Variants in STOML2 observed in about 807,000 individuals in gnomAD.
The protein encoded by STOML2 is stomatin-like protein 2, mitochondrial.
STOML2 carries 22 observed loss-of-function variants against 45.7 expected under a neutral mutation model. The ratio of observed to expected loss-of-function variants is 0.48; its 90% CI spans 0.34 to 0.69. STOML2 has a LOEUF of 0.69. Among genes scored for constraint, STOML2 ranks in the 30% least tolerant of loss-of-function variants. STOML2 has a pLI of 0.01. For missense variants in STOML2, 359 were observed against 466.9 expected (o/e 0.77, Z 2.13); for synonymous variants, 181 against 182.7 (o/e 0.99, Z 0.08).
chr9:35,101,994 C>G lies in STOML2; in HGVS notation c.284-32G>C. 1 of 1,614,038 alleles carries G rather than the reference C, an allele frequency of 6.2e-7. No individual in the cohort carries two copies. The highest frequency in any genetic ancestry group is 1.1e-5 in the South Asian group (1 of 91,074). On this transcript the variant is annotated intron_variant, in intron 3 of 9. Transcript: ENST00000356493. The surrounding 1 kb of genome is among the most constrained non-coding windows in gnomAD (Gnocchi z 4.3). ...AACCAGGAGAGAAAACGGGGAAAGT[C>G]AGGCCTCTAGGTCCCAACCAGTTCT...
In STOML2 at chr9:35,102,607, A is replaced by G. The variant is rs1284755167; in HGVS notation, c.183+79T>C. On this transcript the variant is annotated intron_variant, in intron 2 of 9. Coordinates refer to ENST00000356493, the MANE Select transcript of STOML2 (RefSeq NM_013442.3). This position sits in a 1 kb window ranked among gnomAD's most constrained non-coding sequence, Gnocchi z 4.8. ...GGAGCTAACAGTGCGGGCAGGCCCA[A>G]AGGAAGTCCTCCCGACATTGCATGT... 1 of 1,575,672 alleles carries G rather than the reference A, an allele frequency of 6.3e-7. No homozygotes were observed. Among genetic ancestry groups the G allele is most frequent in the East Asian group, 2.2e-5 (1 of 44,646 alleles).
Position 35,101,499 on chromosome 9 carries a change from C to T in STOML2, c.506G>A (p.Gly169Asp). The T allele has an allele frequency of 6.2e-7, 1 of 1,614,062 alleles. No individual in the cohort carries two copies. Among genetic ancestry groups the T allele is most frequent in the Non-Finnish European group, 8.5e-7 (1 of 1,180,006 alleles). The change falls in exon 6 of 10, where the codon GGT becomes GAT. Residue 169 changes from glycine to aspartate, a missense_variant. By Grantham distance (94) the Gly-to-Asp change is moderately conservative. Around this residue, in one of 2 missense-constraint regions of STOML2, gnomAD observed 285 missense variants for 422.0 expected, o/e 0.68. Coordinates refer to ENST00000356493, the MANE Select transcript of STOML2 (RefSeq NM_013442.3). This position sits in a 1 kb window ranked among gnomAD's most constrained non-coding sequence, Gnocchi z 4.3. ...GATCTCATAACGGAGGCAGCGGATACCCCAGCAGTCAGCAGCTTGGTTGAT... is the reference window on the plus strand; with the variant it reads ...GATCTCATAACGGAGGCAGCGGATATCCCAGCAGTCAGCAGCTTGGTTGAT... ...DAINQAADCW[G>D]IRCLRYEIKD...
chr9:35,103,071 G>A lies in STOML2; in HGVS notation c.24C>T (p.Gly8=), dbSNP rs754019116. Residue 8 remains glycine, a synonymous_variant, in exon 1 of 10, where the codon GGC becomes GGT. Transcript: ENST00000356493. ...TCACCCTCAGCAAAAGGGCCCCAGT[G>A]CCCCGCGCCGCGCGCGCCAGCATTT... MLARAAR[G]TGALLLRGSL... is the part of the protein sequence containing the mutation. The A allele has an allele frequency of 5.0e-6, 8 of 1,613,958 alleles. No homozygotes were observed. In the East Asian group the frequency reaches 1.6e-4, roughly 31 times the overall value.
At position 35,101,572 on chromosome 9, in the gene STOML2, G is replaced by C. The variant is rs1310104730; in HGVS notation, c.445-12C>G. 4.3e-6 allele frequency: 7 copies of C among 1,613,916 alleles called. No homozygotes were observed. Among genetic ancestry groups the C allele is most frequent in the East Asian group, 2.2e-5 (1 of 44,892 alleles). ...AGGGACTCCCGTTCCTGGAAAAAGA[G>C]GTGTAAGCCCCACAGCCTCAACCTA... On this transcript the variant is annotated splice_polypyrimidine_tract_variant and intron_variant, in intron 5 of 9. Transcript: ENST00000356493. This position sits in a 1 kb window ranked among gnomAD's most constrained non-coding sequence, Gnocchi z 4.3.
Position 35,102,240 on chromosome 9 carries a change from G to A in STOML2, c.184-46C>T, listed in dbSNP as rs781515715. 6.4e-7 allele frequency: 1 copy of A among 1,554,154 alleles called. No homozygotes were observed. The highest frequency in any genetic ancestry group is 8.9e-7 in the Non-Finnish European group (1 of 1,128,882). ...TCCTCAGAAGGCTGGGAACTATTGG[G>A]TTGGGACCTAAGCTAGTCCTGGAGT... On this transcript the variant is annotated intron_variant, in intron 2 of 9. Transcript: ENST00000356493. The surrounding 1 kb of genome is among the most constrained non-coding windows in gnomAD (Gnocchi z 4.8).
intron 9 of STOML2, 92 bp downstream of exon 9, chr9:35,100,506 C>T: frequency 1.3e-6 from 2 of 1,570,776 alleles, no homozygotes; most frequent in Admixed American, 1.7e-5. Context: ...CTCTGAAGAC[C>T]TTTATGGTAT....
chr9:35,101,023 G>C lies in STOML2; in HGVS notation c.725-12C>G, dbSNP rs371826983. On this transcript the variant is annotated splice_polypyrimidine_tract_variant and intron_variant, in intron 7 of 9. Coordinates refer to ENST00000356493, the MANE Select transcript of STOML2 (RefSeq NM_013442.3). This position sits in a 1 kb window ranked among gnomAD's most constrained non-coding sequence, Gnocchi z 4.3. ...TGCACTGGCCTCTCCTGCAAGAGAAGGGACAGAGCTTGCTTGACCCATGAA... is the reference window on the plus strand; with the variant it reads ...TGCACTGGCCTCTCCTGCAAGAGAACGGACAGAGCTTGCTTGACCCATGAA... 12 of 1,613,592 alleles carry C rather than the reference G, an allele frequency of 7.4e-6. No individual in the cohort carries two copies. Among genetic ancestry groups the C allele is most frequent in the Middle Eastern group, 3.3e-4 (2 of 6,056 alleles).
chr9:35,103,179 A>G, upstream of STOML2: 1 of 1,531,802 alleles, frequency 6.5e-7, no homozygotes, highest in Non-Finnish European at 8.9e-7. Flanking sequence ...TTCCTCTTGC[A>G]GTTCCGCTCC....
rs368708176 is a variant in STOML2, at chr9:35,100,139, G to T, written c.967C>A (p.Pro323Thr). The T allele has an allele frequency of 4.0e-5, 64 of 1,614,030 alleles. No homozygotes were observed. Among genetic ancestry groups the T allele is most frequent in the Non-Finnish European group, 5.1e-5 (60 of 1,180,048 alleles). ...AGTGAGTCTGGAGTCCCTGGCACTG[G>T]GGCTTTGGTGAGGGCTCCATATACA... The part of the protein sequence containing the change: ...MGVYGALTKA[P>T]VPGTPDSLSS... The change falls in exon 10 of 10, where the codon CCA becomes ACA. Residue 323 changes from proline (P) to threonine (T), a missense_variant. Pro to Thr is a conservative substitution (Grantham distance 38). This residue lies in a region of STOML2 where 285 missense variants were observed against 422.0 expected (regional missense o/e 0.68). Transcript: ENST00000356493.
chr9:35,100,642 G>A lies in STOML2; in HGVS notation c.889C>T (p.Leu297=), dbSNP rs1381478159. The A allele has an allele frequency of 6.2e-7, 1 of 1,614,180 alleles. No individual in the cohort carries two copies. The highest frequency in any genetic ancestry group is 1.1e-5 in the South Asian group (1 of 91,082). ...SKLAKDSNTI[L]LPSNPGDVTS... The stretch of plus-strand genomic sequence containing the variant: ...ACATCGCCAGGGTTGGAGGGCAGTA[G>A]GATAGTGTTGGAGTCCTTGGCCAGT... The change falls in exon 9 of 10, where the codon CTA becomes TTA. Residue 297 remains leucine, a synonymous_variant. Coordinates refer to ENST00000356493, the MANE Select transcript of STOML2 (RefSeq NM_013442.3).
rs1829787556 is a variant in STOML2, at chr9:35,100,182, G to C, written c.934-10C>G. On this transcript the variant is annotated splice_polypyrimidine_tract_variant and intron_variant, in intron 9 of 9. Coordinates refer to ENST00000356493, the MANE Select transcript of STOML2 (RefSeq NM_013442.3). ...CATATACACCCATGGCCTGAGGAGA[G>C]GAACAGAGAGAATACCATGAGGACA... 3.1e-6 allele frequency: 5 copies of C among 1,613,594 alleles called. No homozygotes were observed. The highest frequency in any genetic ancestry group is 4.2e-6 in the Non-Finnish European group (5 of 1,179,838).
rs930593352 is a variant in STOML2 at position 35,100,657 on chromosome 9, C to A, written c.874G>T (p.Asp292Tyr). The A allele has an allele frequency of 2.5e-6, 4 of 1,614,004 alleles. No individual in the cohort carries two copies. Among genetic ancestry groups the A allele is most frequent in the East Asian group, 2.2e-5 (1 of 44,890 alleles). ...YVSAFSKLAK[D>Y]SNTILLPSNP... ...GAGGGCAGTAGGATAGTGTTGGAGT[C>A]CTTGGCCAGTTTGGAGAACGCGCTG... Residue 292 changes from aspartate to tyrosine, a missense_variant, in exon 9 of 10, where the codon GAC becomes TAC. This residue lies in a region of STOML2 where 285 missense variants were observed against 422.0 expected (regional missense o/e 0.68). Coordinates refer to ENST00000356493, the MANE Select transcript of STOML2 (RefSeq NM_013442.3).
rs1052868884 is a variant in STOML2 at position 35,101,341 on chromosome 9, T to C, written c.580-62A>G. The C allele has an allele frequency of 9.3e-6, 15 of 1,612,984 alleles. No individual in the cohort carries two copies. Among genetic ancestry groups the C allele is most frequent in the African/African-American group, 4.0e-5 (3 of 74,830 alleles). ...GGAGACTGATACAGACATGCAACTC[T>C]ACCCATCATAACAGGAGGGAAGTCT... On this transcript the variant is annotated intron_variant, in intron 6 of 9. Coordinates refer to ENST00000356493, the MANE Select transcript of STOML2 (RefSeq NM_013442.3). The surrounding 1 kb of genome is among the most constrained non-coding windows in gnomAD (Gnocchi z 4.3).
Position 35,102,867 on chromosome 9 carries a change from C to T in STOML2, c.46-44G>A, listed in dbSNP as rs1252516316. 5 of 1,602,936 alleles carry T rather than the reference C, an allele frequency of 3.1e-6. No homozygotes were observed. The highest frequency in any genetic ancestry group is 3.4e-6 in the Non-Finnish European group (4 of 1,173,718). ...TGAGCAGAGATCCCATCTGGCCAGA[C>T]ACGCCGCCCCTCGGTCCTGAAGGCA... is the stretch of plus-strand genomic sequence containing the variant. On this transcript the variant is annotated intron_variant, in intron 1 of 9. Coordinates refer to ENST00000356493, the MANE Select transcript of STOML2 (RefSeq NM_013442.3). The surrounding 1 kb of genome is among the most constrained non-coding windows in gnomAD (Gnocchi z 4.8).
chr9:35,101,607 G>A lies in STOML2; in HGVS notation c.445-47C>T. On this transcript the variant is annotated intron_variant, in intron 5 of 9. Transcript: ENST00000356493. The surrounding 1 kb of genome is among the most constrained non-coding windows in gnomAD (Gnocchi z 4.3). ...CCACAGCCTCAACCTACCTATCAAG[G>A]GCCTACACTGAGAAGGGCCTGGGAC... 6.2e-7 allele frequency: 1 copy of A among 1,613,754 alleles called. No individual in the cohort carries two copies. The highest frequency in any genetic ancestry group is 1.1e-5 in the South Asian group (1 of 91,064).
At chr9:35,100,766 C>T (rs763463174) in intron 8 of STOML2, 40 bp from the exon 9 acceptor site, 17 of 1,613,288 alleles carry the variant, frequency 1.1e-5, no homozygotes, top group African/African-American at 2.7e-5. Flanking sequence ...ATCACCGATA[C>T]GGAGAAGAAG....
rs1301905368 is a variant in STOML2, at chr9:35,100,104, C to T, written c.1002G>A (p.Gly334=). 1 of 1,614,172 alleles carries T rather than the reference C, an allele frequency of 6.2e-7. No homozygotes were observed. Among genetic ancestry groups the T allele is most frequent in the Admixed American group, 1.7e-5 (1 of 60,032 alleles). The change falls in exon 10 of 10, where the codon GGG becomes GGA. Residue 334 remains glycine (G), a synonymous_variant. Coordinates refer to ENST00000356493, the MANE Select transcript of STOML2 (RefSeq NM_013442.3). ...CTGTACCCTGGACATCTCTGCTGCT[C>T]CCACTGGAGAGTGAGTCTGGAGTCC... The part of the protein sequence containing the change: ...VPGTPDSLSS[G]SSRDVQGTDA...
chr9:35,103,186 C>T, upstream of STOML2: 1 of 1,505,800 alleles, frequency 6.6e-7, no homozygotes, highest in Non-Finnish European at 9.0e-7. Context: ...TGCAGTTCCG[C>T]TCCCCCGGAT....
chr9:35,103,142 G>C (rs1365563837), upstream of STOML2: 1 of 1,606,972 alleles, frequency 6.2e-7, no homozygotes, highest in Admixed American at 1.7e-5. Context: ...GAGCGGAGCG[G>C]TCGCTCCCAG....
Sources: gnomAD v4.1 joint callset for allele counts on GRCh38, gnomAD v4.1.1 for gene constraint, gnomAD v4.1.1 regional missense constraint, Gnocchi (gnomAD v3.1) non-coding constraint, MANE v1.5 for transcripts, NCBI Gene and HGNC (gene_info 2026-07-23, HGNC 2026-07-21) for gene names.